CHN1: variants seen among roughly 807,000 people sequenced by gnomAD.
The protein encoded by CHN1 is N-chimaerin.
Under a neutral mutation model 59.5 loss-of-function variants are expected in CHN1, and 37 were observed. The observed-to-expected ratio is 0.62, with a 90% CI of 0.48 to 0.82. The LOEUF (loss-of-function observed/expected upper bound fraction) is 0.82. Ranked by LOEUF, CHN1 falls within the 40% of genes least tolerant of loss-of-function variation. The probability of loss-of-function intolerance (pLI) is 0.00; values close to 1 mark genes in which losing one functional copy is unlikely to be tolerated. For synonymous variants in CHN1, 206 were observed against 200.4 expected, an observed-to-expected ratio of 1.03 and a Z score of -0.24; for missense variants, 469 against 571.0, an observed-to-expected ratio of 0.82 and a Z score of 1.82.
intron 5 of CHN1, among the ~76,000 whole-genome samples, chr2:174,899,031 C>T (rs1283454076): frequency 6.6e-6 from 1 of 152,164 alleles, no homozygotes; most frequent in African/African-American, 2.4e-5. Context: ...AGTCACAGAG[C>T]TTTAAAACTC....
At chr2:174,871,020 C>T (rs568170014) in intron 6 of CHN1, among the ~76,000 whole-genome samples, 1 of 152,142 alleles carries the variant, frequency 6.6e-6, no homozygotes, top group African/African-American at 2.4e-5. Context: ...AATTACTGAT[C>T]TTTTCTGTGG....
intron 1 of CHN1, among the ~76,000 whole-genome samples, chr2:174,997,553 T>C (rs751374661): frequency 9.2e-5 from 14 of 152,178 alleles, no homozygotes; most frequent in Non-Finnish European, 1.9e-4. Context: ...TTCACTTACA[T>C]GGGAGGTCTG....
chr2:174,864,718 G>A (rs1687164356), intron 6 of CHN1, among the ~76,000 whole-genome samples: 1 of 151,998 alleles, frequency 6.6e-6, no homozygotes, highest in Non-Finnish European at 1.5e-5. Context: ...AAAAAAATTA[G>A]CTAGGCATGG....
chr2:174,804,577 G>C (rs746761495), intron 11 of CHN1, among the ~76,000 whole-genome samples: 2 of 152,180 alleles, frequency 1.3e-5, no homozygotes, highest in Non-Finnish European at 2.9e-5. Context: ...CAGTAGCTTG[G>C]ACCAGGGGGT....
intron 5 of CHN1, among the ~76,000 whole-genome samples, chr2:174,887,578 G>A (rs1687929765): frequency 6.6e-6 from 1 of 152,072 alleles, no homozygotes; most frequent in South Asian, 2.1e-4. Flanking sequence ...TATAGAAAAT[G>A]TAAAAAAGAA....
At position 174,972,251 on chromosome 2, in the gene CHN1, C is replaced by T. The variant is rs73973659; in HGVS notation, c.20-20049G>A. ...TCCCGTGTCCAAAAAGAGTTGTCATCTCACTCAAACCATCAAGTCCAAGAA... is the reference window on the plus strand; with the variant it reads ...TCCCGTGTCCAAAAAGAGTTGTCATTTCACTCAAACCATCAAGTCCAAGAA... On this transcript the variant is annotated intron_variant, in intron 1 of 12. Transcript: ENST00000409900. Among the ~76,000 whole-genome samples, 168 of 152,258 alleles carry T rather than the reference C, an allele frequency of 1.1e-3. 1 individual carries two copies. Among genetic ancestry groups the T allele is most frequent in the African/African-American group, 3.9e-3 (163 of 41,562 alleles).
intron 6 of CHN1, among the ~76,000 whole-genome samples, chr2:174,872,919 C>T (rs1687454327): frequency 6.6e-6 from 1 of 152,138 alleles, no homozygotes; most frequent in Admixed American, 6.5e-5. Flanking sequence ...TACTCCTGTT[C>T]ACCAGAGTAA....
In CHN1 at chr2:174,848,102, C is replaced by T. The variant is rs1025083079; in HGVS notation, c.550-1145G>A. ...ATTTTCATGCAGAACAAGGAGCATG[C>T]ACATCACATTGCTAACAGCTTGCAG... On this transcript the variant is annotated intron_variant, in intron 6 of 12. Transcript: ENST00000409900. Among the ~76,000 whole-genome samples, 17 of 152,294 alleles carry T rather than the reference C, an allele frequency of 1.1e-4. No individual in the cohort carries two copies. The South Asian group carries it at 1.7e-3, about 15-fold the overall frequency.
chr2:174,881,895 C>T (rs1687749422), intron 5 of CHN1, among the ~76,000 whole-genome samples: 1 of 152,144 alleles, frequency 6.6e-6, no homozygotes, highest in Non-Finnish European at 1.5e-5. Context: ...AATGAGGCCT[C>T]TGAATTCAAA....
intron 6 of CHN1, among the ~76,000 whole-genome samples, chr2:174,876,835 T>C (rs2105332678): frequency 6.6e-6 from 1 of 152,276 alleles, no homozygotes; most frequent in South Asian, 2.1e-4. Context: ...ATGGAGCATT[T>C]TACGCTTGCT....
chr2:174,973,242 GA>G, intron 1 of CHN1, among the ~76,000 whole-genome samples: 1 of 152,146 alleles, frequency 6.6e-6, no homozygotes, highest in Non-Finnish European at 1.5e-5. Flanking sequence ...TTCAACATAT[GA>G]TATGCAGAAC....
chr2:174,952,898 C>A (rs1360290901), intron 1 of CHN1, among the ~76,000 whole-genome samples: 1 of 152,126 alleles, frequency 6.6e-6, no homozygotes, highest in African/African-American at 2.4e-5. Flanking sequence ...GATGGAAATA[C>A]AAACACATGA....
intron 5 of CHN1, among the ~76,000 whole-genome samples, chr2:174,906,035 C>T (rs545252637): frequency 1.3e-5 from 2 of 152,222 alleles, no homozygotes; most frequent in African/African-American, 4.8e-5. Flanking sequence ...AATGATATAA[C>T]CACTTTGGAA....
chr2:174,883,962 CTTCTTTTTTTTTT>C (rs1380470947), intron 5 of CHN1, among the ~76,000 whole-genome samples: 1 of 144,514 alleles, frequency 6.9e-6, no homozygotes, highest in Non-Finnish European at 1.5e-5. Flanking sequence ...GAAAGTCTAA[CTTCTTTTTTTTTT>C]TTTTTTTTTT....
chr2:174,867,350 G>A (rs562652986), intron 6 of CHN1, among the ~76,000 whole-genome samples: 21 of 150,460 alleles, frequency 1.4e-4, no homozygotes, highest in Non-Finnish European at 2.4e-4. Context: ...CTGCACTCCC[G>A]CACAGGTGAC....
chr2:174,839,990 C>T (rs537828206), intron 7 of CHN1, among the ~76,000 whole-genome samples: 2 of 152,088 alleles, frequency 1.3e-5, no homozygotes, highest in African/African-American at 4.8e-5. Context: ...TTAAACTACC[C>T]TCTGTCGAAT....
chr2:174,927,962 C>T (rs1215055626), intron 3 of CHN1, among the ~76,000 whole-genome samples: 5 of 151,886 alleles, frequency 3.3e-5, no homozygotes, highest in Non-Finnish European at 5.9e-5. Flanking sequence ...AAAGATTATA[C>T]GTTAAAAAAT....
intron 1 of CHN1, among the ~76,000 whole-genome samples, chr2:174,960,666 A>G (rs368273003): frequency 2.1e-4 from 32 of 152,212 alleles, no homozygotes; most frequent in African/African-American, 7.7e-4. Flanking sequence ...TACTAAAAAT[A>G]CAAAAATCAG....
chr2:175,000,846 A>C (rs1691867861), intron 1 of CHN1, among the ~76,000 whole-genome samples: 1 of 152,056 alleles, frequency 6.6e-6, no homozygotes, highest in Admixed American at 6.5e-5. Context: ...AGGCCCCCCA[A>C]AGTGCCAGGA....
Sources: gnomAD v4.1 joint callset for allele counts (sites outside exome capture counted in the v4.1 genomes callset) on GRCh38, gnomAD v4.1.1 for gene constraint, MANE v1.5 for transcripts, NCBI Gene and HGNC (gene_info 2026-07-23, HGNC 2026-07-21) for gene names.